The following TANGO6 variants were observed in gnomAD, a reference collection of about 807,000 sequenced individuals.
TANGO6 encodes transport and Golgi organization protein 6 homolog.
Under a neutral mutation model 114.2 loss-of-function variants are expected in TANGO6, and 90 were observed. The observed-to-expected ratio is 0.79, with a 90% CI of 0.66 to 0.94. The LOEUF is 0.94. Ranked by LOEUF, TANGO6 falls within the 40% of genes least tolerant of loss-of-function variation. The pLI is 0.00. For synonymous variants in TANGO6, 477 were observed against 509.8 expected, an observed-to-expected ratio of 0.94 and a Z score of 0.87; for missense variants, 1,274 against 1,315.3, an observed-to-expected ratio of 0.97 and a Z score of 0.49.
At chr16:68,912,118 T>C (rs948178557) in intron 11 of TANGO6, among the ~76,000 whole-genome samples, 3 of 152,190 alleles carry the variant, frequency 2.0e-5, no homozygotes, top group Non-Finnish European at 2.9e-5. Context: ...CTGTAAGAAT[T>C]GTATGTCAGG....
intron 11 of TANGO6, among the ~76,000 whole-genome samples, chr16:68,911,087 A>C (rs1345251927): frequency 6.6e-6 from 1 of 152,166 alleles, no homozygotes; most frequent in Non-Finnish European, 1.5e-5. Flanking sequence ...AAGAGGTATA[A>C]AGTAAAGAAC....
At chr16:69,043,963 A>G (rs753652091) in intron 17 of TANGO6, among the ~76,000 whole-genome samples, 11 of 152,224 alleles carry the variant, frequency 7.2e-5, no homozygotes, top group Non-Finnish European at 1.5e-4. Context: ...GAGGGGAAAC[A>G]TCAACGCCCC....
chr16:68,967,932 G>A (rs748657724), intron 14 of TANGO6, among the ~76,000 whole-genome samples: 12 of 152,238 alleles, frequency 7.9e-5, no homozygotes, highest in Middle Eastern at 6.8e-3. Context: ...TGAGTAACAC[G>A]CTGTGGGATC....
intron 17 of TANGO6, among the ~76,000 whole-genome samples, chr16:69,040,778 A>G (rs1959760722): frequency 6.6e-6 from 1 of 151,994 alleles, no homozygotes; most frequent in South Asian, 2.1e-4. Context: ...GACTCATTTG[A>G]TTGTTCATGC....
chr16:69,020,414 G>C (rs1959381546), intron 15 of TANGO6, among the ~76,000 whole-genome samples: 1 of 152,144 alleles, frequency 6.6e-6, no homozygotes, highest in African/African-American at 2.4e-5. Context: ...ACAGATACAG[G>C]CTTAAAACAT....
At chr16:68,983,658 G>T (rs1308494148) in intron 15 of TANGO6, among the ~76,000 whole-genome samples, 1 of 152,148 alleles carries the variant, frequency 6.6e-6, no homozygotes, top group African/African-American at 2.4e-5. Flanking sequence ...TCCAAACCCT[G>T]CAGTTGAGTG....
At chr16:68,885,152 G>T (rs531186818) in intron 7 of TANGO6, among the ~76,000 whole-genome samples, 2 of 152,126 alleles carry the variant, frequency 1.3e-5, no homozygotes, top group African/African-American at 4.8e-5. Flanking sequence ...GGAAAATATC[G>T]GGGATGGGTA....
chr16:69,051,844 A>C (rs1239125271), intron 17 of TANGO6, among the ~76,000 whole-genome samples: 1 of 152,050 alleles, frequency 6.6e-6, no homozygotes, highest in Non-Finnish European at 1.5e-5. Flanking sequence ...AGACTGTCTC[A>C]AAAAATTAAA....
intron 17 of TANGO6, among the ~76,000 whole-genome samples, chr16:69,060,933 A>G (rs1960105549): frequency 6.6e-6 from 1 of 151,564 alleles, no homozygotes. Flanking sequence ...CAGAGGTTAC[A>G]GTGAGCCAAG....
chr16:69,045,443 C>CAA (rs1389960740), intron 17 of TANGO6, among the ~76,000 whole-genome samples: 2,749 of 53,906 alleles, frequency 0.051, 85 homozygotes, highest in African/African-American at 0.097. Flanking sequence ...GACTCCATCT[C>CAA]AAAAAAAAAA....
chr16:68,908,051 T>C (rs1467267783), intron 10 of TANGO6, among the ~76,000 whole-genome samples: 1 of 152,196 alleles, frequency 6.6e-6, no homozygotes, highest in African/African-American at 2.4e-5. Context: ...GTGCCAGTGG[T>C]TGTGCTTTGC....
intron 16 of TANGO6, chr16:69,033,842 A>T (rs1282757004): frequency 6.3e-6 from 1 of 158,630 alleles, no homozygotes; most frequent in Non-Finnish European, 1.4e-5. Flanking sequence ...GATACCCATC[A>T]CCAAGCTGGT....
intron 12 of TANGO6, among the ~76,000 whole-genome samples, chr16:68,922,949 T>TTTG (rs1963115861): frequency 7.2e-6 from 1 of 139,548 alleles, no homozygotes; most frequent in African/African-American, 2.7e-5. Flanking sequence ...GTTTTTTTTT[T>TTTG]TTTTTTTTTT....
chr16:69,000,558 A>G (rs1041483627), intron 15 of TANGO6, among the ~76,000 whole-genome samples: 1 of 151,952 alleles, frequency 6.6e-6, no homozygotes, highest in East Asian at 1.9e-4. Context: ...TTTTTTTCCT[A>G]TAGTTTATTT....
chr16:68,863,295 G>A lies in TANGO6; in HGVS notation c.852+234G>A, dbSNP rs551925297. Reference sequence around the variant, plus strand: ...TGGACACTTTTCCCAAGAATATTATGATCACTTTTTTTAAGACTTATGGCA... The same window carrying A: ...TGGACACTTTTCCCAAGAATATTATAATCACTTTTTTTAAGACTTATGGCA... On this transcript the variant is annotated intron_variant, in intron 3 of 17. Transcript: ENST00000261778. 2.2e-5 allele frequency: 7 copies of A among 325,292 alleles called. No individual in the cohort carries two copies. The East Asian group carries it at 3.2e-4, about 15-fold the overall frequency. The allele number at this position is 325,292 out of a possible 1,614,324, so 20.2% of individuals were successfully genotyped here.
chr16:69,008,087 G>A (rs1964110223), intron 15 of TANGO6, among the ~76,000 whole-genome samples: 1 of 151,608 alleles, frequency 6.6e-6, no homozygotes, highest in Non-Finnish European at 1.5e-5. Context: ...TTTGTGGGTT[G>A]TCTTTTCACT....
chr16:68,932,745 G>A (rs1200833960), intron 14 of TANGO6, among the ~76,000 whole-genome samples: 1 of 151,860 alleles, frequency 6.6e-6, no homozygotes, highest in Non-Finnish European at 1.5e-5. Flanking sequence ...AGCCGAGATT[G>A]CACCACTGCA....
chr16:68,902,445 G>A lies in TANGO6; in HGVS notation c.1608G>A (p.Leu536=), dbSNP rs1486817935. The A allele has an allele frequency of 5.6e-6, 9 of 1,613,548 alleles. No individual in the cohort carries two copies. In the Admixed American group the frequency reaches 6.7e-5, roughly 12 times the overall value. The change falls in exon 9 of 18, where the codon CTG becomes CTA. Residue 536 remains leucine (L), a synonymous_variant. Coordinates refer to ENST00000261778, the MANE Select transcript of TANGO6 (RefSeq NM_024562.2). The part of the protein sequence containing the change: ...LDKAVPSLHS[L]CQFRVATQGG... ...AAGCTGTGCCCTCTCTCCATTCTCT[G>A]TGTCAGTTTAGAGTTGCCACTCAAG...
At chr16:69,082,357 G>T (rs1034176500) in intron 17 of TANGO6, among the ~76,000 whole-genome samples, 5 of 152,122 alleles carry the variant, frequency 3.3e-5, no homozygotes, top group African/African-American at 1.2e-4. Context: ...GCCCATTTTG[G>T]CCTCTCAAAG....
Sources: gnomAD v4.1 joint callset for allele counts (sites outside exome capture counted in the v4.1 genomes callset) on GRCh38, gnomAD v4.1.1 for gene constraint, MANE v1.5 for transcripts, NCBI Gene and HGNC (gene_info 2026-07-23, HGNC 2026-07-21) for gene names.